The following CREB1 variants were observed in gnomAD, a reference collection of about 807,000 sequenced individuals.
The protein encoded by CREB1 is cyclic AMP-responsive element-binding protein 1.
In CREB1, 2 loss-of-function variants were observed where a neutral mutation model predicts 42.0. That is an observed-to-expected ratio of 0.05 (90% CI 0.02 to 0.15). CREB1 has a LOEUF of 0.15. CREB1 is among the 10% of genes least tolerant of loss of function. The probability of loss-of-function intolerance (pLI) is 1.00; values close to 1 mark genes in which losing one functional copy is unlikely to be tolerated. For missense variants in CREB1, 199 were observed against 388.9 expected, an observed-to-expected ratio of 0.51 and a Z score of 4.11; for synonymous variants, 123 against 139.9, an observed-to-expected ratio of 0.88 and a Z score of 0.85.
intron 3 of CREB1, among the ~76,000 whole-genome samples, chr2:207,565,885 G>A (rs2082122793): frequency 6.6e-6 from 1 of 152,152 alleles, no homozygotes; most frequent in Non-Finnish European, 1.5e-5. Context: ...TTCTGTATGT[G>A]AGAAAGTTTG....
intron 6 of CREB1, among the ~76,000 whole-genome samples, chr2:207,576,200 T>C (rs1410443738): frequency 6.6e-6 from 1 of 150,908 alleles, no homozygotes; most frequent in Non-Finnish European, 1.5e-5. Flanking sequence ...GAAAAAGTAG[T>C]TGTTAAATTC....
At chr2:207,590,020 C>T (rs1021782048) in intron 7 of CREB1, among the ~76,000 whole-genome samples, 3 of 147,660 alleles carry the variant, frequency 2.0e-5, no homozygotes, top group South Asian at 2.1e-4. Flanking sequence ...TTATTTAAGC[C>T]TTATATGGTT....
At chr2:207,532,228 G>A (rs1413585100) in intron 1 of CREB1, among the ~76,000 whole-genome samples, 3 of 151,442 alleles carry the variant, frequency 2.0e-5, no homozygotes, top group Non-Finnish European at 4.4e-5. Flanking sequence ...GGTGGCACGC[G>A]CCTGTAATCC....
At chr2:207,534,969 A>T (rs2080809762) in intron 1 of CREB1, among the ~76,000 whole-genome samples, 1 of 152,178 alleles carries the variant, frequency 6.6e-6, no homozygotes, top group South Asian at 2.1e-4. Flanking sequence ...GCAATTTTGT[A>T]TCAGCACATA....
intron 1 of CREB1, among the ~76,000 whole-genome samples, chr2:207,541,359 C>T (rs1230461270): frequency 6.6e-6 from 1 of 152,200 alleles, no homozygotes; most frequent in Non-Finnish European, 1.5e-5. Context: ...GTGATAAGCA[C>T]CCTGTACAGA....
chr2:207,597,187 C>T lies in CREB1; in HGVS notation c.*129C>T. 1.0e-6 allele frequency: 1 copy of T among 975,054 alleles called. No individual in the cohort carries two copies. Among genetic ancestry groups the T allele is most frequent in the Non-Finnish European group, 1.4e-6 (1 of 693,634 alleles). 60.4% of individuals were successfully genotyped at this position (975,054 alleles called of 1,614,324 possible). A position where few individuals can be genotyped will look rare whatever the true frequency, so the allele number is the denominator to read the frequency against. The stretch of plus-strand genomic sequence containing the variant: ...TATGCGCAAAACTGCCTGAAAGCAA[C>T]TACAGAATTTCATTCATTTGTGCTT... On this transcript the variant is annotated 3_prime_UTR_variant, in exon 8 of 8. Transcript: ENST00000353267.
At chr2:207,593,805 G>C (rs1200625897) in intron 7 of CREB1, among the ~76,000 whole-genome samples, 8 of 146,982 alleles carry the variant, frequency 5.4e-5, no homozygotes. Context: ...TGCAATCTCT[G>C]CCTCCTGGGT....
chr2:207,555,677 T>C lies in CREB1; in HGVS notation c.42T>C (p.Asp14=), dbSNP rs1253777346. 1 of 1,613,550 alleles carries C rather than the reference T, an allele frequency of 6.2e-7. No individual in the cohort carries two copies. Among genetic ancestry groups the C allele is most frequent in the Non-Finnish European group, 8.5e-7 (1 of 1,179,758 alleles). The stretch of plus-strand genomic sequence containing the variant: ...GAGCCGAGAACCAGCAGAGTGGAGA[T>C]GCAGCTGTAACAGAAGCTGAAAACC... The part of the protein sequence containing the change: ...ESGAENQQSG[D]AAVTEAENQQ... The change falls in exon 2 of 8, where the codon GAT becomes GAC. Residue 14 remains aspartate, a synonymous_variant. Transcript: ENST00000353267.
In CREB1 at chr2:207,562,862, A is replaced by G. The variant is rs182079720; in HGVS notation, c.261+2490A>G. On this transcript the variant is annotated intron_variant, in intron 3 of 7. Coordinates refer to ENST00000353267, the MANE Select transcript of CREB1 (RefSeq NM_004379.5). ...TGAGAATAGATTATTACTTTAAATT[A>G]TCATTCATTCCTACAACAAATGTTT... Among the ~76,000 whole-genome samples, 69 of 152,366 alleles carry G rather than the reference A, an allele frequency of 4.5e-4. 2 individuals are homozygous for G. Among genetic ancestry groups the G allele is most frequent in the African/African-American group, 1.5e-3 (61 of 41,586 alleles).
intron 5 of CREB1, chr2:207,571,883 T>G (rs538268882): frequency 2.9e-6 from 1 of 347,078 alleles, no homozygotes; most frequent in African/African-American, 2.2e-5. Flanking sequence ...AGCACCCCCA[T>G]AGATGTTTAA....
rs867812126 is a variant in CREB1, at chr2:207,590,012, A to C, written c.840-6902A>C. Among the ~76,000 whole-genome samples, 3 of 147,880 alleles carry C rather than the reference A, an allele frequency of 2.0e-5. No homozygotes were observed. In the South Asian group the frequency reaches 6.5e-4, roughly 32 times the overall value. ...TGGAAGAGATTATAATATTTGTATT[A>C]TTTAAGCCTTATATGGTTGGTAGAA... On this transcript the variant is annotated intron_variant, in intron 7 of 7. Coordinates refer to ENST00000353267, the MANE Select transcript of CREB1 (RefSeq NM_004379.5).
chr2:207,534,636 T>C (rs2080793172), intron 1 of CREB1: 1 of 152,166 alleles, frequency 6.6e-6, no homozygotes, highest in African/African-American at 2.4e-5. Flanking sequence ...AGGCAAAATA[T>C]GTGTCAAAAG....
At chr2:207,535,513 T>C (rs958206438) in intron 1 of CREB1, among the ~76,000 whole-genome samples, 13 of 152,220 alleles carry the variant, frequency 8.5e-5, no homozygotes, top group Non-Finnish European at 1.2e-4. Flanking sequence ...TTCATTTATT[T>C]TTTACATACT....
At chr2:207,594,524 C>A (rs2085736919) in intron 7 of CREB1, among the ~76,000 whole-genome samples, 1 of 152,178 alleles carries the variant, frequency 6.6e-6, no homozygotes, top group Admixed American at 6.5e-5. Flanking sequence ...CCTCAAGGTT[C>A]ATCTACGTTT....
At chr2:207,532,081 C>G (rs772466928) in intron 1 of CREB1, among the ~76,000 whole-genome samples, 1 of 152,000 alleles carries the variant, frequency 6.6e-6, no homozygotes, top group Non-Finnish European at 1.5e-5. Flanking sequence ...ATAAGTCGGG[C>G]GCGGTGGCTG....
intron 4 of CREB1, 41 bp from the exon 5 acceptor site, chr2:207,570,138 G>T (rs750939694): frequency 1.4e-6 from 2 of 1,448,754 alleles, no homozygotes; most frequent in South Asian, 1.2e-5. Flanking sequence ...CCAGTAAATT[G>T]TACTTATATT....
Position 207,600,113 on chromosome 2 carries a change from A to C in CREB1, c.*3055A>C, listed in dbSNP as rs1019802817. The C allele has an allele frequency of 7.6e-5, 14 of 184,994 alleles. No homozygotes were observed. Among genetic ancestry groups the C allele is most frequent in the Non-Finnish European group, 1.3e-4 (11 of 87,368 alleles). The allele number at this position is 184,994 out of a possible 1,614,324, so 11.5% of individuals were successfully genotyped here. On this transcript the variant is annotated 3_prime_UTR_variant, in exon 8 of 8. Transcript: ENST00000353267. ...TGTTCATTATTAAATAATTGCTATCAGATACAATTTTAAGTTCATTCTTTT... is the reference window on the plus strand; with the variant it reads ...TGTTCATTATTAAATAATTGCTATCCGATACAATTTTAAGTTCATTCTTTT...
intron 1 of CREB1, among the ~76,000 whole-genome samples, chr2:207,551,473 A>G (rs1266269668): frequency 2.0e-5 from 3 of 152,182 alleles, no homozygotes; most frequent in Non-Finnish European, 4.4e-5. Context: ...AATCTCCACT[A>G]AGAGCCTTCA....
At position 207,602,508 on chromosome 2, in the gene CREB1, C is replaced by T. The variant is rs968656282; in HGVS notation, c.*5450C>T. 2 of 207,370 alleles carry T rather than the reference C, an allele frequency of 9.6e-6. No individual in the cohort carries two copies. The highest frequency in any genetic ancestry group is 2.0e-5 in the Non-Finnish European group (2 of 101,868). The allele number at this position is 207,370 out of a possible 1,614,324, so 12.8% of individuals were successfully genotyped here. A position where few individuals can be genotyped will look rare whatever the true frequency, so the allele number is the denominator to read the frequency against. ...ACATTACTTGCCTATAGAAGTATGGCATTTCCAAGCTTTTGTCTGAGGAGC... is the reference window on the plus strand; with the variant it reads ...ACATTACTTGCCTATAGAAGTATGGTATTTCCAAGCTTTTGTCTGAGGAGC... On this transcript the variant is annotated 3_prime_UTR_variant, in exon 8 of 8. Coordinates refer to ENST00000353267, the MANE Select transcript of CREB1 (RefSeq NM_004379.5).
Sources: gnomAD v4.1 joint callset for allele counts (sites outside exome capture counted in the v4.1 genomes callset) on GRCh38, gnomAD v4.1.1 for gene constraint, MANE v1.5 for transcripts, NCBI Gene and HGNC (gene_info 2026-07-23, HGNC 2026-07-21) for gene names.